The following PACRG variants were observed in gnomAD, a reference collection of about 807,000 sequenced individuals.
PACRG encodes the protein parkin coregulated gene protein.
In PACRG, 29 loss-of-function variants were observed where a neutral mutation model predicts 29.7. That is an observed-to-expected ratio of 0.98 (90% CI 0.73 to 1.33). The LOEUF is 1.33. PACRG is among the 40% of genes most tolerant of loss of function. The pLI is 0.00. For missense variants in PACRG, 279 were observed against 316.2 expected (o/e 0.88, Z 0.89); for synonymous variants, 116 against 118.7 (o/e 0.98, Z 0.15).
intron 4 of PACRG, among the ~76,000 whole-genome samples, chr6:163,166,769 CA>C (rs1429376319): frequency 2.0e-5 from 3 of 152,142 alleles, no homozygotes; most frequent in Non-Finnish European, 4.4e-5. Context: ...TAAAATATTC[CA>C]TTTTGAATTA....
intron 4 of PACRG, among the ~76,000 whole-genome samples, chr6:163,285,444 C>T (rs1043388369): frequency 3.3e-5 from 5 of 152,206 alleles, no homozygotes; most frequent in South Asian, 4.1e-4. Flanking sequence ...TAAAGCTCCT[C>T]TTCCCTGCTA....
intron 2 of PACRG, among the ~76,000 whole-genome samples, chr6:162,823,770 C>T (rs891078128): frequency 6.6e-6 from 1 of 152,136 alleles, no homozygotes; most frequent in African/African-American, 2.4e-5. Flanking sequence ...GCCTAGGCCT[C>T]CCAAAGTGCT....
At chr6:163,295,929 C>G (rs994858476) in intron 4 of PACRG, among the ~76,000 whole-genome samples, 1 of 152,178 alleles carries the variant, frequency 6.6e-6, no homozygotes, top group East Asian at 1.9e-4. Context: ...AATTCAGGGT[C>G]CTTGTCCCAT....
intron 1 of PACRG, among the ~76,000 whole-genome samples, chr6:162,769,265 C>T (rs1584294193): frequency 6.6e-6 from 1 of 151,660 alleles, no homozygotes; most frequent in Non-Finnish European, 1.5e-5. Flanking sequence ...GCCAACTTTT[C>T]CTCCATGAAA....
intron 4 of PACRG, among the ~76,000 whole-genome samples, chr6:163,212,818 G>T (rs1284843825): frequency 4.0e-5 from 6 of 148,166 alleles, no homozygotes; most frequent in African/African-American, 1.5e-4. Flanking sequence ...CTCGCTCATC[G>T]CCCAGGCTGG....
intron 4 of PACRG, among the ~76,000 whole-genome samples, chr6:163,312,552 C>T (rs1231685714): frequency 1.3e-5 from 2 of 152,166 alleles, no homozygotes; most frequent in African/African-American, 2.4e-5. Context: ...CCCGTGCAGC[C>T]ATTCCTGCCT....
intron 2 of PACRG, among the ~76,000 whole-genome samples, chr6:162,896,552 T>A (rs2128049818): frequency 6.6e-6 from 1 of 152,314 alleles, no homozygotes; most frequent in Non-Finnish European, 1.5e-5. Flanking sequence ...TGTGTAAGAA[T>A]TATAAAATGT....
intron 2 of PACRG, among the ~76,000 whole-genome samples, chr6:162,886,343 A>G (rs1399608098): frequency 1.3e-5 from 2 of 152,044 alleles, no homozygotes; most frequent in Non-Finnish European, 2.9e-5. Flanking sequence ...TGGCCTTCTC[A>G]TCATCCATCT....
At chr6:162,944,401 A>C (rs1362273261) in intron 2 of PACRG, among the ~76,000 whole-genome samples, 1 of 152,220 alleles carries the variant, frequency 6.6e-6, no homozygotes, top group Non-Finnish European at 1.5e-5. Flanking sequence ...GTAAGGACAC[A>C]AGAAACATAA....
intron 2 of PACRG, among the ~76,000 whole-genome samples, chr6:162,948,891 C>T (rs1475217478): frequency 6.6e-6 from 1 of 151,708 alleles, no homozygotes; most frequent in Non-Finnish European, 1.5e-5. Context: ...AAATAAATGC[C>T]GGTGAGCATG....
intron 4 of PACRG, among the ~76,000 whole-genome samples, chr6:163,262,766 G>T (rs773082506): frequency 6.6e-6 from 1 of 151,854 alleles, no homozygotes; most frequent in African/African-American, 2.4e-5. Context: ...TTTAGGCCAG[G>T]TGCAGTGGCT....
chr6:162,977,954 G>T (rs1017878932), intron 2 of PACRG, among the ~76,000 whole-genome samples: 2 of 151,920 alleles, frequency 1.3e-5, no homozygotes, highest in East Asian at 3.9e-4. Context: ...GACCAGCCTG[G>T]CCAACATGGG....
intron 4 of PACRG, among the ~76,000 whole-genome samples, chr6:163,192,634 G>T (rs1780264691): frequency 6.8e-6 from 1 of 147,358 alleles, no homozygotes; most frequent in Non-Finnish European, 1.5e-5. Flanking sequence ...GAATTAAGGT[G>T]TTTATTTCAT....
intron 3 of PACRG, among the ~76,000 whole-genome samples, chr6:163,071,434 A>G (rs1441490307): frequency 6.6e-6 from 1 of 152,140 alleles, no homozygotes; most frequent in Non-Finnish European, 1.5e-5. Flanking sequence ...TATGCTCCTG[A>G]ATGACCTGTG....
chr6:162,926,208 T>C (rs1797429541), intron 2 of PACRG, among the ~76,000 whole-genome samples: 1 of 152,028 alleles, frequency 6.6e-6, no homozygotes, highest in Non-Finnish European at 1.5e-5. Flanking sequence ...AGAATCAATA[T>C]CATGAAAATG....
intron 1 of PACRG, among the ~76,000 whole-genome samples, chr6:162,788,153 C>T (rs758227363): frequency 3.3e-5 from 5 of 150,160 alleles, no homozygotes; most frequent in Non-Finnish European, 5.9e-5. Context: ...AAAATACTTC[C>T]GTGACCCCCT....
intron 2 of PACRG, among the ~76,000 whole-genome samples, chr6:162,860,175 C>T (rs932808283): frequency 3.9e-5 from 6 of 152,096 alleles, no homozygotes; most frequent in African/African-American, 9.7e-5. Context: ...CAAATATTAA[C>T]GTTATTAGTT....
intron 2 of PACRG, among the ~76,000 whole-genome samples, chr6:162,919,660 A>G (rs754933877): frequency 9.2e-5 from 14 of 152,166 alleles, no homozygotes; most frequent in Non-Finnish European, 1.9e-4. Flanking sequence ...CCTTCCACAA[A>G]GTACTGTTGT....
chr6:163,222,410 T>C (rs1157957680), intron 4 of PACRG, among the ~76,000 whole-genome samples: 1 of 152,086 alleles, frequency 6.6e-6, no homozygotes, highest in Non-Finnish European at 1.5e-5. Flanking sequence ...TGAAACCCCA[T>C]CTCTACTAAA....
Sources: gnomAD v4.1 joint callset for allele counts (sites outside exome capture counted in the v4.1 genomes callset) on GRCh38, gnomAD v4.1.1 for gene constraint, MANE v1.5 for transcripts, NCBI Gene and HGNC (gene_info 2026-07-23, HGNC 2026-07-21) for gene names.